SLC39A8: variants seen among roughly 807,000 people sequenced by gnomAD.
SLC39A8 encodes the protein metal cation symporter ZIP8.
A neutral mutation model predicts 40.4 loss-of-function variants in SLC39A8; 15 were observed. That is an observed-to-expected ratio of 0.37 (90% CI 0.25 to 0.57). The LOEUF is 0.57. Among genes scored for constraint, SLC39A8 ranks in the 20% least tolerant of loss-of-function variants. The pLI, the probability that SLC39A8 is intolerant of heterozygous loss-of-function variation, is 0.75. For synonymous variants in SLC39A8, 223 were observed against 221.6 expected, an observed-to-expected ratio of 1.01 and a Z score of -0.06; for missense variants, 472 against 558.8, an observed-to-expected ratio of 0.84 and a Z score of 1.57.
At chr4:102,279,380 T>C (rs990916653) in intron 6 of SLC39A8, among the ~76,000 whole-genome samples, 3 of 152,080 alleles carry the variant, frequency 2.0e-5, no homozygotes, top group Non-Finnish European at 2.9e-5. Flanking sequence ...TCAGGGGGAA[T>C]TGATTTTCTG....
At chr4:102,317,007 G>A (rs1400932351) in intron 2 of SLC39A8, among the ~76,000 whole-genome samples, 1 of 152,110 alleles carries the variant, frequency 6.6e-6, no homozygotes, top group Non-Finnish European at 1.5e-5. Flanking sequence ...AACCATTCTG[G>A]CACCTTGGTC....
At chr4:102,303,536 A>T (rs1734006233) in intron 6 of SLC39A8, among the ~76,000 whole-genome samples, 1 of 151,948 alleles carries the variant, frequency 6.6e-6, no homozygotes, top group Non-Finnish European at 1.5e-5. Flanking sequence ...TATGGAAAAG[A>T]TAGCCTACAG....
At chr4:102,320,353 AAT>A (rs1176040983) in intron 2 of SLC39A8, among the ~76,000 whole-genome samples, 8 of 125,696 alleles carry the variant, frequency 6.4e-5, no homozygotes, top group African/African-American at 9.1e-5. Context: ...TATATATGAG[AAT>A]ATATATATGA....
intron 2 of SLC39A8, among the ~76,000 whole-genome samples, chr4:102,338,040 C>T (rs1190570693): frequency 6.6e-6 from 1 of 152,076 alleles, no homozygotes; most frequent in African/African-American, 2.4e-5. Context: ...CCAAAAAATC[C>T]CTCACCTTTC....
At chr4:102,344,950 A>C in intron 1 of SLC39A8, 35 bp from the exon 2 acceptor site, 1 of 1,170,026 alleles carries the variant, frequency 8.5e-7, no homozygotes, top group Non-Finnish European at 1.1e-6. Flanking sequence ...ACAGAGATAA[A>C]GGCCACCAGG....
chr4:102,262,510 G>A lies in SLC39A8; in HGVS notation c.*534C>T. 1 of 985,266 alleles carries A rather than the reference G, an allele frequency of 1.0e-6. No individual in the cohort carries two copies. Among genetic ancestry groups the A allele is most frequent in the Non-Finnish European group, 1.2e-6 (1 of 829,710 alleles). The allele number at this position is 985,266 out of a possible 1,614,324, so 61.0% of individuals were successfully genotyped here. ...ATTGAAATACAAAACAGAACAAAAA[G>A]CTGTGAGAAATCTTTTTTTTCTTTG... On this transcript the variant is annotated 3_prime_UTR_variant, in exon 9 of 9. Transcript: ENST00000356736.
chr4:102,285,377 T>C (rs1163499818), intron 6 of SLC39A8, among the ~76,000 whole-genome samples: 1 of 39,312 alleles, frequency 2.5e-5, no homozygotes, highest in Admixed American at 2.7e-4. Flanking sequence ...TGAAATTCTC[T>C]ATCTAAGAAG....
chr4:102,282,565 C>G (rs540481274), intron 6 of SLC39A8, among the ~76,000 whole-genome samples: 1 of 151,318 alleles, frequency 6.6e-6, no homozygotes, highest in African/African-American at 2.4e-5. Context: ...CCTTTTTGGC[C>G]GAGAATTTAG....
chr4:102,341,807 T>A (rs958541474), intron 2 of SLC39A8, among the ~76,000 whole-genome samples: 1 of 152,198 alleles, frequency 6.6e-6, no homozygotes, highest in Non-Finnish European at 1.5e-5. Context: ...CAGAGTTCAT[T>A]AGTCTATTAC....
chr4:102,339,567 C>T (rs935482166), intron 2 of SLC39A8, among the ~76,000 whole-genome samples: 2 of 152,144 alleles, frequency 1.3e-5, no homozygotes, highest in African/African-American at 4.8e-5. Context: ...TCTGGCATCA[C>T]AGGGTCAGAA....
At position 102,315,786 on chromosome 4, in the gene SLC39A8, A is replaced by G. The variant is rs762261849; in HGVS notation, c.264T>C (p.Asn88=). Residue 88 remains asparagine (N), a synonymous_variant, in exon 3 of 9, where the codon AAT becomes AAC. Coordinates refer to ENST00000356736, the MANE Select transcript of SLC39A8 (RefSeq NM_001135146.2). Reference sequence around the variant, plus strand: ...ATTTGGAGCTGGTTATTTGGGTAGCATTTGAAAAGCCATGAAGGGAAAAGA... The same window carrying G: ...ATTTGGAGCTGGTTATTTGGGTAGCGTTTGAAAAGCCATGAAGGGAAAAGA... ...EEIFSLHGFS[N]ATQITSSKFS... 6.8e-6 allele frequency: 11 copies of G among 1,613,236 alleles called. No individual in the cohort carries two copies. In the South Asian group the frequency reaches 1.2e-4, roughly 18 times the overall value.
At chr4:102,305,958 G>A (rs1311079463) in intron 4 of SLC39A8, among the ~76,000 whole-genome samples, 1 of 151,946 alleles carries the variant, frequency 6.6e-6, no homozygotes, top group Non-Finnish European at 1.5e-5. Context: ...TTGCCTCTGG[G>A]GAGACATCAT....
At chr4:102,268,967 G>A (rs573784387) in intron 6 of SLC39A8, among the ~76,000 whole-genome samples, 1 of 152,134 alleles carries the variant, frequency 6.6e-6, no homozygotes, top group Non-Finnish European at 1.5e-5. Context: ...GCAATTAACT[G>A]GAGAACATTT....
In SLC39A8 at chr4:102,304,333, C is replaced by A. The variant is rs746300038; in HGVS notation, c.824G>T (p.Ser275Ile). 78 of 1,610,508 alleles carry A rather than the reference C, an allele frequency of 4.8e-5. No homozygotes were observed. Among genetic ancestry groups the A allele is most frequent in the Non-Finnish European group, 6.1e-5 (72 of 1,177,632 alleles). ...ANGHIHFDNV[S>I]VVSLQDGKKE... ...AACATATACCTGTAGAGATACCACA[C>A]TGACATTATCAAAATGGATATGTCC... The change falls in exon 6 of 9, where the codon AGT becomes ATT. Residue 275 changes from serine (S) to isoleucine (I), a missense_variant. Around this residue, in one of 4 missense-constraint regions of SLC39A8, gnomAD observed 239 missense variants for 317.9 expected, o/e 0.75. Coordinates refer to ENST00000356736, the MANE Select transcript of SLC39A8 (RefSeq NM_001135146.2).
At chr4:102,307,096 AAAAT>A (rs138932687) in intron 4 of SLC39A8, among the ~76,000 whole-genome samples, 3 of 151,756 alleles carry the variant, frequency 2.0e-5, no homozygotes, top group East Asian at 3.9e-4. Context: ...GCTCTTTAGA[AAAAT>A]AAATAAATAA....
chr4:102,307,961 T>C (rs1191519413), intron 3 of SLC39A8, among the ~76,000 whole-genome samples: 2 of 151,126 alleles, frequency 1.3e-5, no homozygotes, highest in Non-Finnish European at 2.9e-5. Context: ...AAGGAATAGA[T>C]TAAAACAGCA....
intron 2 of SLC39A8, among the ~76,000 whole-genome samples, chr4:102,335,417 T>C (rs1560570981): frequency 6.6e-6 from 1 of 152,028 alleles, no homozygotes; most frequent in Non-Finnish European, 1.5e-5. Context: ...GCTCATTCTC[T>C]TATCTGTTTT....
chr4:102,289,320 T>C (rs749852389), intron 6 of SLC39A8, among the ~76,000 whole-genome samples: 8 of 152,284 alleles, frequency 5.3e-5, no homozygotes, highest in South Asian at 4.1e-4. Context: ...TTTCAAAATA[T>C]TACTGCTTAT....
intron 2 of SLC39A8, among the ~76,000 whole-genome samples, chr4:102,324,480 C>T (rs2149047040): frequency 6.6e-6 from 1 of 152,130 alleles, no homozygotes; most frequent in African/African-American, 2.4e-5. Flanking sequence ...TCGCTTTCTG[C>T]ACTTCATTTC....
Sources: allele counts gnomAD v4.1 joint callset (sites outside exome capture counted in the v4.1 genomes callset), GRCh38; gene constraint gnomAD v4.1.1; regional missense constraint gnomAD v4.1.1; transcripts MANE v1.5; gene names NCBI Gene and HGNC (gene_info 2026-07-23, HGNC 2026-07-21).